Variants in SCAPER observed in about 807,000 individuals in gnomAD.
SCAPER encodes the protein S phase cyclin A-associated protein in the endoplasmic reticulum.
SCAPER carries 98 observed loss-of-function variants against 182.2 expected under a neutral mutation model. The ratio of observed to expected loss-of-function variants is 0.54; its 90% confidence interval spans 0.46 to 0.64. SCAPER has a LOEUF of 0.64. Among genes scored for constraint, SCAPER ranks in the 30% least tolerant of loss-of-function variants. The pLI, the probability that SCAPER is intolerant of heterozygous loss-of-function variation, is 0.00. For missense variants in SCAPER, 1,432 were observed against 1,690.0 expected, an observed-to-expected ratio of 0.85 and a Z score of 2.68; for synonymous variants, 605 against 564.6, an observed-to-expected ratio of 1.07 and a Z score of -1.01.
At chr15:76,789,253 G>A (rs1568143399) in intron 8 of SCAPER, among the ~76,000 whole-genome samples, 6 of 151,746 alleles carry the variant, frequency 4.0e-5, no homozygotes, top group South Asian at 4.1e-4. Context: ...AACAAAAATC[G>A]TAAGATGAAT....
chr15:76,576,122 G>A (rs1163755043), intron 22 of SCAPER, among the ~76,000 whole-genome samples: 1 of 152,300 alleles, frequency 6.6e-6, no homozygotes, highest in East Asian at 1.9e-4. Flanking sequence ...AGCACTTTGG[G>A]AGGGCAAGGC....
chr15:76,446,815 G>A (rs2048030256), intron 25 of SCAPER, among the ~76,000 whole-genome samples: 1 of 152,120 alleles, frequency 6.6e-6, no homozygotes, highest in African/African-American at 2.4e-5. Flanking sequence ...ACTTGCCATG[G>A]TTCAACTTAT....
At chr15:76,455,081 T>C (rs1368412480) in intron 25 of SCAPER, among the ~76,000 whole-genome samples, 2 of 152,198 alleles carry the variant, frequency 1.3e-5, no homozygotes, top group African/African-American at 4.8e-5. Context: ...GTGCCTCTTC[T>C]TTCTTCTTGA....
intron 23 of SCAPER, among the ~76,000 whole-genome samples, chr15:76,522,025 C>T (rs1261068386): frequency 6.6e-6 from 1 of 152,078 alleles, no homozygotes; most frequent in Non-Finnish European, 1.5e-5. Context: ...TCAGAGAATG[C>T]TTTGTGCCCG....
intron 30 of SCAPER, 71 bp from the exon 31 acceptor site, chr15:76,351,359 A>G: frequency 7.2e-7 from 1 of 1,385,784 alleles, no homozygotes; most frequent in Admixed American, 2.2e-5. Flanking sequence ...GTGGCTTTAA[A>G]TATACTTCTG....
chr15:76,543,164 C>G (rs1241036552), intron 23 of SCAPER, among the ~76,000 whole-genome samples: 1 of 152,038 alleles, frequency 6.6e-6, no homozygotes, highest in African/African-American at 2.4e-5. Context: ...TGAGTGTCAA[C>G]AAAGGGGAGG....
chr15:76,565,002 C>T (rs1363029884), intron 23 of SCAPER, among the ~76,000 whole-genome samples: 1 of 152,102 alleles, frequency 6.6e-6, no homozygotes. Context: ...TTCCTTATAC[C>T]ATGTACAAAA....
At chr15:76,460,758 T>A (rs549424470) in intron 25 of SCAPER, among the ~76,000 whole-genome samples, 34 of 152,268 alleles carry the variant, frequency 2.2e-4, no homozygotes, top group Middle Eastern at 3.4e-3. Context: ...ACTTCAAGTT[T>A]AATGACCCTT....
chr15:76,497,989 CAAAAAAAAAAAAAA>C (rs747096625), intron 24 of SCAPER, among the ~76,000 whole-genome samples: 4 of 58,328 alleles, frequency 6.9e-5, no homozygotes, highest in East Asian at 5.9e-4. Context: ...GACTCCGTCT[CAAAAAAAAAAAAAA>C]AAAAAAAAAA....
chr15:76,733,429 A>C, intron 15 of SCAPER, 45 bp from the exon 16 acceptor site: 1 of 1,584,740 alleles, frequency 6.3e-7, no homozygotes, highest in Non-Finnish European at 8.6e-7. Context: ...AGTTAATTCT[A>C]GGGCACATTA....
intron 26 of SCAPER, among the ~76,000 whole-genome samples, chr15:76,408,190 T>TA (rs2045008499): frequency 2.6e-5 from 4 of 152,354 alleles, no homozygotes; most frequent in Admixed American, 2.6e-4. Flanking sequence ...CTCCATCTTT[T>TA]AAAACCCCCT....
chr15:76,529,284 G>A (rs2043440678), intron 23 of SCAPER, among the ~76,000 whole-genome samples: 1 of 152,146 alleles, frequency 6.6e-6, no homozygotes, highest in Admixed American at 6.5e-5. Context: ...GGCCTCAAGT[G>A]ATCCACCCGC....
At chr15:76,396,573 T>C (rs2044073551) in intron 27 of SCAPER, among the ~76,000 whole-genome samples, 1 of 152,244 alleles carries the variant, frequency 6.6e-6, no homozygotes, top group South Asian at 2.1e-4. Context: ...TAACTTTATT[T>C]GTGGCTCTTG....
Position 76,774,867 on chromosome 15 carries a change from G to A in SCAPER, c.1023C>T (p.Ala341=), listed in dbSNP as rs527768646. ...DSLHSCDHPL[A]EKTQFTVSTL... ...CAGAATGTACTACCTGGGTTTTTTC[G>A]GCAAGAGGATGGTCACAAGAGTGTA... The change falls in exon 9 of 32, where the codon GCC becomes GCT. Residue 341 remains alanine (A), a synonymous_variant. Transcript: ENST00000563290. 1.4e-5 allele frequency: 23 copies of A among 1,607,712 alleles called. No homozygotes were observed. The highest frequency in any genetic ancestry group is 2.2e-5 in the East Asian group (1 of 44,830).
chr15:76,853,293 A>C (rs908732306), intron 4 of SCAPER, among the ~76,000 whole-genome samples: 3 of 152,192 alleles, frequency 2.0e-5, no homozygotes, highest in Admixed American at 2.0e-4. Flanking sequence ...ATTCCAAAAA[A>C]TTGAGGAGAA....
chr15:76,524,241 T>C (rs1178909470), intron 23 of SCAPER, among the ~76,000 whole-genome samples: 3 of 152,158 alleles, frequency 2.0e-5, no homozygotes, highest in Non-Finnish European at 4.4e-5. Context: ...TTCTATGCTC[T>C]GTATAGATGG....
chr15:76,710,905 G>C (rs2059528690), intron 17 of SCAPER, among the ~76,000 whole-genome samples: 1 of 152,086 alleles, frequency 6.6e-6, no homozygotes, highest in East Asian at 1.9e-4. Context: ...CAATATAACA[G>C]AATGGAGTCT....
At chr15:76,604,946 T>G (rs1360422266) in intron 22 of SCAPER, among the ~76,000 whole-genome samples, 1 of 152,160 alleles carries the variant, frequency 6.6e-6, no homozygotes, top group Non-Finnish European at 1.5e-5. Context: ...TGGGGTTTTC[T>G]AAATATACAA....
At chr15:76,794,698 C>T (rs901344661) in intron 8 of SCAPER, among the ~76,000 whole-genome samples, 2 of 152,122 alleles carry the variant, frequency 1.3e-5, no homozygotes, top group Non-Finnish European at 2.9e-5. Flanking sequence ...AAATCCCAGC[C>T]TCTGTGGATG....
Sources: allele counts gnomAD v4.1 joint callset (sites outside exome capture counted in the v4.1 genomes callset), GRCh38; gene constraint gnomAD v4.1.1; transcripts MANE v1.5; gene names NCBI Gene and HGNC (gene_info 2026-07-23, HGNC 2026-07-21).